The following DNER variants were observed in gnomAD, a reference collection of about 807,000 sequenced individuals.
DNER encodes delta/notch like EGF repeat containing.
Under a neutral mutation model 78.2 loss-of-function variants are expected in DNER, and 33 were observed. The observed-to-expected ratio is 0.42, with a 90% confidence interval of 0.32 to 0.56. The LOEUF (loss-of-function observed/expected upper bound fraction) is 0.56, where lower values mean the gene tolerates loss of function less well. DNER is among the 20% of genes least tolerant of loss of function. DNER has a pLI of 0.11. For missense variants in DNER, 918 were observed against 975.3 expected (o/e 0.94, Z 0.78); for synonymous variants, 417 against 384.8 (o/e 1.08, Z -0.98).
intron 1 of DNER, among the ~76,000 whole-genome samples, chr2:229,669,999 T>G (rs767471229): frequency 2.6e-5 from 4 of 152,210 alleles, no homozygotes; most frequent in Non-Finnish European, 4.4e-5. Context: ...ATCAGCATCC[T>G]GCCTTCAGAT....
intron 5 of DNER, among the ~76,000 whole-genome samples, chr2:229,521,805 G>A (rs377271256): frequency 6.7e-4 from 102 of 152,230 alleles, no homozygotes; most frequent in African/African-American, 2.3e-3. Context: ...GAGACAAACT[G>A]TTGCTCTTTG....
At chr2:229,643,933 C>A (rs1178003495) in intron 1 of DNER, among the ~76,000 whole-genome samples, 3 of 152,076 alleles carry the variant, frequency 2.0e-5, no homozygotes, top group Non-Finnish European at 4.4e-5. Context: ...TCTCAAAGAA[C>A]CTTGAAGGGT....
chr2:229,637,980 C>T (rs575791596), intron 1 of DNER, among the ~76,000 whole-genome samples: 1 of 152,308 alleles, frequency 6.6e-6, no homozygotes, highest in East Asian at 1.9e-4. Context: ...ATAGATGCCA[C>T]ATAAAACATA....
At chr2:229,602,442 C>T (rs1193105238) in intron 1 of DNER, among the ~76,000 whole-genome samples, 1 of 152,116 alleles carries the variant, frequency 6.6e-6, no homozygotes, top group Non-Finnish European at 1.5e-5. Context: ...AGGATGTTTG[C>T]TAATACCACT....
intron 8 of DNER, among the ~76,000 whole-genome samples, chr2:229,436,129 T>G (rs1694115726): frequency 6.6e-6 from 1 of 152,154 alleles, no homozygotes; most frequent in African/African-American, 2.4e-5. Context: ...GGATCCAGCG[T>G]CTATTGTTCC....
Position 229,358,059 on chromosome 2 carries a change from G to C in DNER, c.*481C>G, listed in dbSNP as rs1410369943. On this transcript the variant is annotated 3_prime_UTR_variant, in exon 13 of 13. Coordinates refer to ENST00000341772, the MANE Select transcript of DNER (RefSeq NM_139072.4). Reference sequence around the variant, plus strand: ...ATAAGGCAAAGGCTAATTTCATTCGGGTTAGGAATAGTAAATTTAACTAGT... The same window carrying C: ...ATAAGGCAAAGGCTAATTTCATTCGCGTTAGGAATAGTAAATTTAACTAGT... 1 of 152,752 alleles carries C rather than the reference G, an allele frequency of 6.5e-6. No individual in the cohort carries two copies. Among genetic ancestry groups the C allele is most frequent in the Non-Finnish European group, 1.5e-5 (1 of 68,188 alleles). 9.5% of individuals were successfully genotyped at this position (152,752 alleles called of 1,614,324 possible).
intron 1 of DNER, among the ~76,000 whole-genome samples, chr2:229,679,136 C>T (rs1699347471): frequency 6.6e-6 from 1 of 152,166 alleles, no homozygotes; most frequent in African/African-American, 2.4e-5. Context: ...GGACTAGGAC[C>T]AGCACCACAG....
chr2:229,521,216 G>A (rs1333304683), intron 5 of DNER, among the ~76,000 whole-genome samples: 1 of 152,226 alleles, frequency 6.6e-6, no homozygotes, highest in African/African-American at 2.4e-5. Context: ...TGTCCGTAAA[G>A]ATTCCAGGAG....
chr2:229,479,712 C>T (rs869118558), intron 6 of DNER, among the ~76,000 whole-genome samples: 2 of 79,816 alleles, frequency 2.5e-5, no homozygotes, highest in Admixed American at 1.3e-4. Flanking sequence ...GACTTTGTCT[C>T]AAAAAAAAAA....
At chr2:229,374,423 T>C (rs1157363478) in intron 11 of DNER, among the ~76,000 whole-genome samples, 1 of 152,214 alleles carries the variant, frequency 6.6e-6, no homozygotes. Flanking sequence ...GAATTGGAAG[T>C]ACCTTTAAGA....
Position 229,496,237 on chromosome 2 carries a change from A to G in DNER, c.1147+16546T>C, listed in dbSNP as rs190610946. 2.0e-4 allele frequency among the ~76,000 whole-genome samples: 31 copies of G among 152,338 alleles called. No homozygotes were observed. The East Asian group carries it at 5.6e-3, about 27-fold the overall frequency. ...GAAAGTATTGTGAGAAAGTTTCAAG[A>G]AAAATATCAATTACACTTCATTAAA... On this transcript the variant is annotated intron_variant, in intron 6 of 12. Coordinates refer to ENST00000341772, the MANE Select transcript of DNER (RefSeq NM_139072.4).
chr2:229,527,327 A>G (rs557293418), intron 5 of DNER, among the ~76,000 whole-genome samples: 1 of 152,194 alleles, frequency 6.6e-6, no homozygotes, highest in Non-Finnish European at 1.5e-5. Context: ...CCCCAAACCC[A>G]GATCCCTGTT....
chr2:229,534,884 G>A (rs758631082), intron 5 of DNER, among the ~76,000 whole-genome samples: 2 of 151,954 alleles, frequency 1.3e-5, no homozygotes, highest in African/African-American at 2.4e-5. Context: ...TGCCCAGGCT[G>A]GAGTACCCTG....
At chr2:229,574,478 A>G (rs1294222395) in intron 4 of DNER, among the ~76,000 whole-genome samples, 2 of 152,188 alleles carry the variant, frequency 1.3e-5, no homozygotes, top group Admixed American at 6.5e-5. Context: ...CATTAAATGA[A>G]AAAAGCAAAT....
In DNER at chr2:229,567,004, ACCTTC is replaced by A. The variant is rs1332423911; in HGVS notation, c.847+18849_847+18853del. ...GCTACCTCTTCACCACATCTCCACC[ACCTTC>A]CTCCTTACTCTCCAAGCTCCAGCCT... is the stretch of plus-strand genomic sequence containing the variant. On this transcript the variant is annotated intron_variant, in intron 4 of 12. Transcript: ENST00000341772. Among the ~76,000 whole-genome samples, 26 of 152,000 alleles carry A rather than the reference ACCTTC, an allele frequency of 1.7e-4. No individual in the cohort carries two copies. The East Asian group carries it at 4.5e-3, about 26-fold the overall frequency.
intron 5 of DNER, among the ~76,000 whole-genome samples, chr2:229,533,264 C>T (rs1296563673): frequency 6.6e-6 from 1 of 152,166 alleles, no homozygotes; most frequent in African/African-American, 2.4e-5. Flanking sequence ...TCCGGGGACT[C>T]CCTGAGATCC....
At chr2:229,689,999 G>T (rs190140932) in intron 1 of DNER, among the ~76,000 whole-genome samples, 35 of 152,312 alleles carry the variant, frequency 2.3e-4, no homozygotes, top group African/African-American at 8.4e-4. Flanking sequence ...AGTGTAATTT[G>T]AGTAATTATA....
intron 1 of DNER, among the ~76,000 whole-genome samples, chr2:229,668,435 T>G (rs200037015): frequency 9.4e-6 from 1 of 106,632 alleles, no homozygotes; most frequent in African/African-American, 3.2e-5. Context: ...TATATATATA[T>G]ATATATACAC....
chr2:229,386,856 G>C (rs1200770937), intron 11 of DNER, among the ~76,000 whole-genome samples: 2 of 152,138 alleles, frequency 1.3e-5, no homozygotes, highest in African/African-American at 4.8e-5. Flanking sequence ...GGAGAAATAG[G>C]AATGCTTTTA....
Sources: gnomAD v4.1 joint callset for allele counts (sites outside exome capture counted in the v4.1 genomes callset) on GRCh38, gnomAD v4.1.1 for gene constraint, MANE v1.5 for transcripts, NCBI Gene and HGNC (gene_info 2026-07-23, HGNC 2026-07-21) for gene names.